GRID1: variants seen among roughly 807,000 people sequenced by gnomAD.
GRID1 encodes glutamate receptor ionotropic, delta-1.
In GRID1, 28 loss-of-function variants were observed where a neutral mutation model predicts 98.0. The observed-to-expected ratio is 0.29, with a 90% CI of 0.21 to 0.39. The LOEUF (loss-of-function observed/expected upper bound fraction) is 0.39. Ranked by LOEUF, GRID1 falls within the 10% of genes least tolerant of loss-of-function variation. The probability of loss-of-function intolerance (pLI) is 1.00; values close to 1 mark genes in which losing one functional copy is unlikely to be tolerated. For synonymous variants in GRID1, 553 were observed against 538.5 expected (o/e 1.03, Z -0.37); for missense variants, 1,111 against 1,340.5 (o/e 0.83, Z 2.67).
intron 2 of GRID1, among the ~76,000 whole-genome samples, chr10:86,298,662 C>T (rs906448424): frequency 2.6e-5 from 4 of 152,164 alleles, no homozygotes; most frequent in Non-Finnish European, 4.4e-5. Context: ...GCTAAACATG[C>T]CCCCGAGGCT....
intron 3 of GRID1, among the ~76,000 whole-genome samples, chr10:86,147,737 C>T (rs893919130): frequency 2.0e-5 from 3 of 152,208 alleles, no homozygotes; most frequent in Non-Finnish European, 4.4e-5. Flanking sequence ...TCTCTCCCTG[C>T]GTTAGTAAAC....
At chr10:85,956,038 G>A (rs1254147847) in intron 4 of GRID1, among the ~76,000 whole-genome samples, 2 of 152,220 alleles carry the variant, frequency 1.3e-5, no homozygotes, top group Non-Finnish European at 2.9e-5. Context: ...GGCCCTCAAA[G>A]TGGATGGCCA....
intron 12 of GRID1, among the ~76,000 whole-genome samples, chr10:85,722,433 AC>A (rs1406883357): frequency 1.3e-5 from 2 of 152,230 alleles, no homozygotes; most frequent in African/African-American, 2.4e-5. Flanking sequence ...ATCATAAAAT[AC>A]AGTCACTTCC....
chr10:86,321,474 A>G (rs1443514852), intron 2 of GRID1, among the ~76,000 whole-genome samples: 1 of 152,220 alleles, frequency 6.6e-6, no homozygotes, highest in African/African-American at 2.4e-5. Flanking sequence ...TGGATTTTTT[A>G]AAAAAGAAGA....
chr10:85,751,188 G>A (rs1842042552), intron 8 of GRID1, among the ~76,000 whole-genome samples: 1 of 152,186 alleles, frequency 6.6e-6, no homozygotes, highest in South Asian at 2.1e-4. Flanking sequence ...GTCTGGCTGA[G>A]CCAGAATTTC....
chr10:85,618,129 G>T lies in GRID1; in HGVS notation c.2360+1738C>A, dbSNP rs149831769. Among the ~76,000 whole-genome samples, 500 of 152,306 alleles carry T rather than the reference G, an allele frequency of 3.3e-3. 2 individuals carry two copies. The highest frequency in any genetic ancestry group is 5.6e-3 in the Non-Finnish European group (382 of 68,022). Reference sequence around the variant, plus strand: ...AGTCCAGCCAAGACCCGGGTTCCTGGACTAATGTCTGCTGCCTCTTCTCTC... The same window carrying T: ...AGTCCAGCCAAGACCCGGGTTCCTGTACTAATGTCTGCTGCCTCTTCTCTC... On this transcript the variant is annotated intron_variant, in intron 14 of 15. Coordinates refer to ENST00000327946, the MANE Select transcript of GRID1 (RefSeq NM_017551.3).
chr10:86,028,598 AG>A (rs1843146626), intron 4 of GRID1, among the ~76,000 whole-genome samples: 1 of 152,164 alleles, frequency 6.6e-6, no homozygotes, highest in South Asian at 2.1e-4. Flanking sequence ...AACCTAGAGA[AG>A]GGGGGAGCAT....
At chr10:85,732,940 A>G (rs1841841850) in intron 8 of GRID1, among the ~76,000 whole-genome samples, 2 of 152,074 alleles carry the variant, frequency 1.3e-5, no homozygotes, top group South Asian at 4.1e-4. Flanking sequence ...ATTTGTATCT[A>G]GTTTTTCTCT....
chr10:85,908,562 T>C (rs1841493407), intron 5 of GRID1, among the ~76,000 whole-genome samples: 1 of 152,202 alleles, frequency 6.6e-6, no homozygotes, highest in Non-Finnish European at 1.5e-5. Context: ...GGAAGATATG[T>C]CTTGTTTGTG....
intron 4 of GRID1, among the ~76,000 whole-genome samples, chr10:86,022,546 C>T (rs566367693): frequency 3.9e-5 from 6 of 152,222 alleles, no homozygotes; most frequent in African/African-American, 1.4e-4. Context: ...GCAGTTCTGA[C>T]GCTCTTTTTT....
intron 4 of GRID1, among the ~76,000 whole-genome samples, chr10:85,963,241 A>G (rs1290201862): frequency 6.6e-6 from 1 of 152,008 alleles, no homozygotes; most frequent in African/African-American, 2.4e-5. Context: ...TTTCTTTCAT[A>G]TGAAATTGGG....
At chr10:86,130,806 T>C (rs1341761850) in intron 4 of GRID1, among the ~76,000 whole-genome samples, 2 of 152,222 alleles carry the variant, frequency 1.3e-5, no homozygotes, top group Admixed American at 6.5e-5. Flanking sequence ...CATCTGCAGA[T>C]GGCAGGAGCT....
chr10:86,181,719 A>G (rs1049930553), intron 3 of GRID1, among the ~76,000 whole-genome samples: 1 of 152,218 alleles, frequency 6.6e-6, no homozygotes, highest in Non-Finnish European at 1.5e-5. Flanking sequence ...TATGGGGTCT[A>G]TGAGCCCAGG....
chr10:85,684,448 T>C (rs1053467408), intron 12 of GRID1, among the ~76,000 whole-genome samples: 1 of 152,194 alleles, frequency 6.6e-6, no homozygotes, highest in African/African-American at 2.4e-5. Flanking sequence ...GAACTATCTA[T>C]GTAATTTGTT....
At position 85,647,356 on chromosome 10, in the gene GRID1, C is replaced by T; in HGVS notation, c.2039G>A (p.Gly680Asp). ...ATATACAGCAGAATCCCGGACAGTG[C>T]CATAAGACATTTCCACTTGTTTGGA... ...DLSKQVEMSY[G>D]TVRDSAVYEY... is the part of the protein sequence containing the mutation. Residue 680 changes from glycine to aspartate, a missense_variant, in exon 13 of 16, where the codon GGC becomes GAC. By Grantham distance (94) the Gly-to-Asp change is moderately conservative. This residue lies in a region of GRID1 where 762 missense variants were observed against 869.1 expected (regional missense o/e 0.88). Coordinates refer to ENST00000327946, the MANE Select transcript of GRID1 (RefSeq NM_017551.3). The T allele has an allele frequency of 6.2e-7, 1 of 1,614,184 alleles. No individual in the cohort carries two copies. Among genetic ancestry groups the T allele is most frequent in the Non-Finnish European group, 8.5e-7 (1 of 1,179,998 alleles).
chr10:86,169,834 G>A (rs545628441), intron 3 of GRID1, among the ~76,000 whole-genome samples: 2 of 152,210 alleles, frequency 1.3e-5, no homozygotes, highest in African/African-American at 2.4e-5. Context: ...ATTTACCGCT[G>A]AAACAGCCCA....
intron 4 of GRID1, among the ~76,000 whole-genome samples, chr10:86,053,085 A>G (rs1165642443): frequency 6.6e-6 from 1 of 152,226 alleles, no homozygotes; most frequent in East Asian, 1.9e-4. Context: ...CAGCATATTT[A>G]GTGATACAAA....
chr10:86,217,020 A>G (rs947375194), intron 2 of GRID1, among the ~76,000 whole-genome samples: 4 of 152,188 alleles, frequency 2.6e-5, no homozygotes, highest in African/African-American at 9.7e-5. Flanking sequence ...CTTCTGCTGC[A>G]GACAAGTGGG....
intron 13 of GRID1, among the ~76,000 whole-genome samples, chr10:85,638,907 C>T (rs1172606421): frequency 6.6e-6 from 1 of 152,140 alleles, no homozygotes; most frequent in Non-Finnish European, 1.5e-5. Flanking sequence ...ACTAAATTGG[C>T]TGCAACCAAA....
Sources: allele counts gnomAD v4.1 joint callset (sites outside exome capture counted in the v4.1 genomes callset), GRCh38; gene constraint gnomAD v4.1.1; regional missense constraint gnomAD v4.1.1; transcripts MANE v1.5; gene names NCBI Gene and HGNC (gene_info 2026-07-23, HGNC 2026-07-21).